The following UBE3C variants were observed in gnomAD, a reference collection of about 807,000 sequenced individuals.
The protein encoded by UBE3C is ubiquitin-protein ligase E3C.
In UBE3C, 42 loss-of-function variants were observed where a neutral mutation model predicts 129.4. The ratio of observed to expected loss-of-function variants is 0.32; its 90% CI spans 0.25 to 0.42. The LOEUF (loss-of-function observed/expected upper bound fraction) is 0.42, where lower values mean the gene tolerates loss of function less well. Ranked by LOEUF, UBE3C falls within the 10% of genes least tolerant of loss-of-function variation. The probability of loss-of-function intolerance (pLI) is 1.00; values close to 1 mark genes in which losing one functional copy is unlikely to be tolerated. For synonymous variants in UBE3C, 510 were observed against 492.4 expected, an observed-to-expected ratio of 1.04 and a Z score of -0.47; for missense variants, 1,049 against 1,319.1, an observed-to-expected ratio of 0.80 and a Z score of 3.17.
At chr7:157,241,152 G>C (rs945622696) in intron 18 of UBE3C, among the ~76,000 whole-genome samples, 2 of 152,154 alleles carry the variant, frequency 1.3e-5, no homozygotes, top group Non-Finnish European at 1.5e-5. Flanking sequence ...TACTCACGCA[G>C]AGTGCTCTGA....
chr7:157,211,697 CCAGATACTT>C (rs2117020486), intron 13 of UBE3C, among the ~76,000 whole-genome samples: 1 of 152,124 alleles, frequency 6.6e-6, no homozygotes, highest in African/African-American at 2.4e-5. Flanking sequence ...GCAGTGCATA[CCAGATACTT>C]CATGACTTTC....
intron 1 of UBE3C, among the ~76,000 whole-genome samples, chr7:157,158,058 T>C (rs1012056291): frequency 7.7e-4 from 108 of 140,412 alleles, no homozygotes; most frequent in African/African-American, 3.0e-3. Context: ...TCCTTTTTTT[T>C]TTTTTTTTTT....
intron 5 of UBE3C, 102 bp downstream of exon 5, chr7:157,175,136 A>AATTTTT: frequency 8.6e-5 from 32 of 372,598 alleles, no homozygotes; most frequent in Middle Eastern, 8.0e-4. Context: ...GCTTTTCCAT[A>AATTTTT]CTTTTTTTTT....
At chr7:157,249,800 A>T (rs2116684474) in intron 19 of UBE3C, among the ~76,000 whole-genome samples, 1 of 152,344 alleles carries the variant, frequency 6.6e-6, no homozygotes, top group South Asian at 2.1e-4. Flanking sequence ...CACATACAGC[A>T]TACTAAAATA....
intron 18 of UBE3C, chr7:157,231,713 CCCACCAA>C: frequency 5.0e-6 from 1 of 200,722 alleles, no homozygotes; most frequent in Non-Finnish European, 1.0e-5. Flanking sequence ...CTGCAGAGTC[CCCACCAA>C]TGAGAAGACC....
At chr7:157,148,735 T>TA (rs1807675047) in intron 1 of UBE3C, among the ~76,000 whole-genome samples, 1 of 150,950 alleles carries the variant, frequency 6.6e-6, no homozygotes, top group Non-Finnish European at 1.5e-5. Context: ...TTAGTTCTTT[T>TA]TTTTTTTTTT....
chr7:157,139,630 C>T (rs952986930), intron 1 of UBE3C, among the ~76,000 whole-genome samples: 1 of 152,234 alleles, frequency 6.6e-6, no homozygotes, highest in South Asian at 2.1e-4. Context: ...GGGGCCTTGC[C>T]TGTCCACTGC....
At chr7:157,170,182 T>C in intron 3 of UBE3C, 122 bp from the exon 4 acceptor site, 1 of 718,260 alleles carries the variant, frequency 1.4e-6, no homozygotes, top group Non-Finnish European at 2.0e-6. Flanking sequence ...CAAGGACCGA[T>C]AATGGTGTTT....
intron 11 of UBE3C, among the ~76,000 whole-genome samples, chr7:157,203,786 T>G (rs1001434293): frequency 2.0e-4 from 30 of 152,340 alleles, no homozygotes; most frequent in African/African-American, 7.2e-4. Flanking sequence ...GACAGTGTAT[T>G]AATGCGTTCC....
At chr7:157,144,662 C>T (rs1807554881) in intron 1 of UBE3C, among the ~76,000 whole-genome samples, 1 of 150,436 alleles carries the variant, frequency 6.6e-6, no homozygotes, top group African/African-American at 2.5e-5. Flanking sequence ...GAATTAAGAT[C>T]ACTTTAATGT....
intron 1 of UBE3C, among the ~76,000 whole-genome samples, chr7:157,162,442 C>T (rs1298096975): frequency 6.6e-6 from 1 of 152,140 alleles, no homozygotes; most frequent in Non-Finnish European, 1.5e-5. Context: ...ATCTGCCCGC[C>T]TCGGCCTCCC....
chr7:157,164,026 TG>T (rs1220943730), intron 2 of UBE3C, among the ~76,000 whole-genome samples, 163 bp downstream of exon 2: 16 of 152,168 alleles, frequency 1.1e-4, no homozygotes, highest in African/African-American at 3.9e-4. Context: ...CTGGAGCCGG[TG>T]TAGAAAGAGA....
intron 11 of UBE3C, among the ~76,000 whole-genome samples, chr7:157,206,410 G>A (rs1352821491): frequency 6.6e-6 from 1 of 151,822 alleles, no homozygotes; most frequent in Non-Finnish European, 1.5e-5. Context: ...TTACAGGCAC[G>A]TGCCACCACA....
chr7:157,191,104 C>T (rs1417532166), intron 10 of UBE3C, among the ~76,000 whole-genome samples: 3 of 152,158 alleles, frequency 2.0e-5, no homozygotes, highest in African/African-American at 7.2e-5. Context: ...TCATAAGACA[C>T]CTAGTTTTAT....
At chr7:157,245,836 C>T (rs937698169) in intron 18 of UBE3C, among the ~76,000 whole-genome samples, 23 of 151,852 alleles carry the variant, frequency 1.5e-4, no homozygotes, top group African/African-American at 5.6e-4. Context: ...ACTAAAAATA[C>T]AAAAATTAGC....
intron 14 of UBE3C, among the ~76,000 whole-genome samples, chr7:157,218,955 A>T (rs1795660920): frequency 6.6e-6 from 1 of 152,180 alleles, no homozygotes; most frequent in Non-Finnish European, 1.5e-5. Flanking sequence ...AAAAAGAAGT[A>T]CTCAAGCATT....
chr7:157,160,294 C>G (rs1193537399), intron 1 of UBE3C, among the ~76,000 whole-genome samples: 1 of 152,108 alleles, frequency 6.6e-6, no homozygotes, highest in Non-Finnish European at 1.5e-5. Context: ...AGGCTGGTCT[C>G]GAACTCCTGA....
chr7:157,156,748 T>TA (rs1807920699), intron 1 of UBE3C, among the ~76,000 whole-genome samples: 1 of 151,584 alleles, frequency 6.6e-6, no homozygotes, highest in Admixed American at 6.6e-5. Flanking sequence ...TAGAGCATAT[T>TA]AAACAGATTG....
At chr7:157,202,974 A>G (rs531130051) in intron 11 of UBE3C, among the ~76,000 whole-genome samples, 82 of 152,334 alleles carry the variant, frequency 5.4e-4, no homozygotes, top group Middle Eastern at 6.8e-3. Flanking sequence ...CTCATCTGCA[A>G]TCTAACTTGC....
Sources: allele counts gnomAD v4.1 joint callset (sites outside exome capture counted in the v4.1 genomes callset), GRCh38; gene constraint gnomAD v4.1.1; transcripts MANE v1.5; gene names NCBI Gene and HGNC (gene_info 2026-07-23, HGNC 2026-07-21).